Variants in HMG20A observed in about 807,000 individuals in gnomAD.
HMG20A encodes high mobility group protein 20A.
HMG20A carries 17 observed loss-of-function variants against 43.9 expected under a neutral mutation model. The observed-to-expected ratio is 0.39, with a 90% CI of 0.27 to 0.58. The LOEUF is 0.58. Ranked by LOEUF, HMG20A falls within the 20% of genes least tolerant of loss-of-function variation. The probability of loss-of-function intolerance (pLI) is 0.59; values close to 1 mark genes in which losing one functional copy is unlikely to be tolerated. For missense variants in HMG20A, 341 were observed against 438.2 expected (o/e 0.78, Z 1.98); for synonymous variants, 132 against 147.5 (o/e 0.89, Z 0.76).
At chr15:77,515,756 C>T in the HMG20A span, among the ~76,000 whole-genome samples, 30 of 152,286 alleles carry the variant, frequency 2.0e-4, no homozygotes, top group African/African-American at 6.0e-4. Context: ...CCTGCATGAA[C>T]ATGGGGCCAC....
intron 1 of HMG20A, among the ~76,000 whole-genome samples, chr15:77,429,220 T>G (rs1042312576): frequency 1.4e-4 from 21 of 149,816 alleles, no homozygotes; most frequent in African/African-American, 5.3e-4. Context: ...GGTTTTTTTG[T>G]TTTTTTTGTT....
chr15:77,450,222 A>G (rs913324474), intron 1 of HMG20A, among the ~76,000 whole-genome samples: 6 of 151,948 alleles, frequency 3.9e-5, no homozygotes, highest in African/African-American at 1.5e-4. Flanking sequence ...CTCTGCCTCC[A>G]GGGTTCGCGC....
chr15:77,468,047 T>G (rs769804862), intron 4 of HMG20A, among the ~76,000 whole-genome samples: 7 of 152,210 alleles, frequency 4.6e-5, no homozygotes, highest in Non-Finnish European at 1.0e-4. Flanking sequence ...CCAGACACAC[T>G]AAAACCAAAT....
At chr15:77,431,405 T>C (rs1460211031) in intron 1 of HMG20A, among the ~76,000 whole-genome samples, 11 of 152,176 alleles carry the variant, frequency 7.2e-5, no homozygotes, top group Admixed American at 7.2e-4. Context: ...AGAGACAAGG[T>C]TTCACCATGT....
chr15:77,456,106 G>GA (rs748791570), intron 1 of HMG20A, among the ~76,000 whole-genome samples: 32 of 152,026 alleles, frequency 2.1e-4, no homozygotes, highest in Admixed American at 1.5e-3. Context: ...AATAAAAAAG[G>GA]AAAAAATGTG....
chr15:77,452,432 A>G (rs940150356), intron 1 of HMG20A, among the ~76,000 whole-genome samples: 2 of 152,194 alleles, frequency 1.3e-5, no homozygotes, highest in Admixed American at 1.3e-4. Context: ...TACATTCTTG[A>G]TTGATCCAAG....
chr15:77,499,532 C>G, the HMG20A span, among the ~76,000 whole-genome samples: 844 of 152,206 alleles, frequency 5.5e-3, 7 homozygotes, highest in African/African-American at 0.018. Flanking sequence ...AATGCTCCCC[C>G]CCACACACAC....
intron 3 of HMG20A, 103 bp from the exon 4 acceptor site, chr15:77,466,992 T>TA: frequency 1.0e-6 from 1 of 957,806 alleles, no homozygotes; most frequent in South Asian, 1.6e-5. Context: ...TTGCAACTCT[T>TA]AATCCTGTTT....
chr15:77,471,811 T>G lies in HMG20A; in HGVS notation c.612T>G (p.His204Gln). 6.5e-7 allele frequency: 1 copy of G among 1,547,240 alleles called. No homozygotes were observed. Among genetic ancestry groups the G allele is most frequent in the East Asian group, 2.3e-5 (1 of 44,420 alleles). Residue 204 changes from histidine (H) to glutamine (Q), a missense_variant, in exon 6 of 10, where the codon CAT (histidine) becomes CAG (glutamine). His to Gln is a conservative substitution (Grantham distance 24). Transcript: ENST00000336216. ...QDAARQATHDHEKETEVKERS... is the reference protein window; with the variant it reads ...QDAARQATHDQEKETEVKERS... ...CAGCCCGGCAGGCCACTCATGATCATGAGGTAATTAGCCATCTGTCTACAT... is the reference window on the plus strand; with the variant it reads ...CAGCCCGGCAGGCCACTCATGATCAGGAGGTAATTAGCCATCTGTCTACAT...
At chr15:77,480,839 T>G (rs922633933) in intron 9 of HMG20A, among the ~76,000 whole-genome samples, 1 of 151,954 alleles carries the variant, frequency 6.6e-6, no homozygotes, top group African/African-American at 2.4e-5. Context: ...ACCCCTTTAC[T>G]ATGCCATCCC....
At chr15:77,422,766 A>G (rs2073384521) in intron 1 of HMG20A, among the ~76,000 whole-genome samples, 1 of 152,240 alleles carries the variant, frequency 6.6e-6, no homozygotes, top group South Asian at 2.1e-4. Flanking sequence ...AGTATGATTT[A>G]TATTTTGAAA....
At chr15:77,437,028 T>C (rs1345043381) in intron 1 of HMG20A, among the ~76,000 whole-genome samples, 5 of 152,168 alleles carry the variant, frequency 3.3e-5, no homozygotes, top group African/African-American at 1.2e-4. Context: ...CATCAAGTTC[T>C]CTCTCACCTC....
intron 1 of HMG20A, among the ~76,000 whole-genome samples, chr15:77,430,478 C>T (rs1422081112): frequency 6.6e-6 from 1 of 152,198 alleles, no homozygotes; most frequent in Non-Finnish European, 1.5e-5. Flanking sequence ...AAACCACAAC[C>T]ATAGAACCAA....
At position 77,423,051 on chromosome 15, in the gene HMG20A, G is replaced by C. The variant is rs148009382; in HGVS notation, c.-5+2047G>C. Among the ~76,000 whole-genome samples, 122 of 152,274 alleles carry C rather than the reference G, an allele frequency of 8.0e-4. 1 individual carries two copies. In the East Asian group the frequency reaches 0.012, roughly 14 times the overall value. ...AATATCATGTTAAAATACTGATTGAGATAGAGTAATATTGCCTTTTGGAAA... is the reference window on the plus strand; with the variant it reads ...AATATCATGTTAAAATACTGATTGACATAGAGTAATATTGCCTTTTGGAAA... On this transcript the variant is annotated intron_variant, in intron 1 of 9. Coordinates refer to ENST00000336216, the MANE Select transcript of HMG20A (RefSeq NM_001304504.2).
chr15:77,494,767 AT>A, the HMG20A span, among the ~76,000 whole-genome samples: 2 of 152,228 alleles, frequency 1.3e-5, no homozygotes, highest in African/African-American at 4.8e-5. Context: ...TGCTAACAAC[AT>A]AAAAAAAGAT....
chr15:77,438,750 A>C (rs984429027), intron 1 of HMG20A, among the ~76,000 whole-genome samples: 10 of 152,166 alleles, frequency 6.6e-5, no homozygotes, highest in African/African-American at 2.4e-4. Context: ...GTTTACTACC[A>C]ATTTTAAACC....
the HMG20A span, among the ~76,000 whole-genome samples, chr15:77,509,220 T>C: frequency 6.6e-6 from 1 of 152,032 alleles, no homozygotes; most frequent in Non-Finnish European, 1.5e-5. Context: ...GCAGTCACCT[T>C]CATTTCCTTC....
chr15:77,428,482 T>C (rs1210196411), intron 1 of HMG20A, among the ~76,000 whole-genome samples: 1 of 152,234 alleles, frequency 6.6e-6, no homozygotes, highest in East Asian at 1.9e-4. Context: ...GTGTAAGACA[T>C]TCAAAGCATA....
At chr15:77,434,630 T>G (rs1025292478) in intron 1 of HMG20A, among the ~76,000 whole-genome samples, 1 of 152,202 alleles carries the variant, frequency 6.6e-6, no homozygotes, top group Non-Finnish European at 1.5e-5. Flanking sequence ...CTATTTTATT[T>G]ACATTAAATA....
Sources: gnomAD v4.1 joint callset for allele counts (sites outside exome capture counted in the v4.1 genomes callset) on GRCh38, gnomAD v4.1.1 for gene constraint, MANE v1.5 for transcripts, NCBI Gene and HGNC (gene_info 2026-07-23, HGNC 2026-07-21) for gene names.